The following PHACTR3 variants were observed in gnomAD, a reference collection of about 807,000 sequenced individuals.
PHACTR3 encodes the protein phosphatase and actin regulator 3, also known as protein phosphatase 1, regulatory subunit 123.
In PHACTR3, 16 loss-of-function variants were observed where a neutral mutation model predicts 66.8. The ratio of observed to expected loss-of-function variants is 0.24; its 90% CI spans 0.16 to 0.36. The LOEUF (loss-of-function observed/expected upper bound fraction) is 0.36, where lower values mean the gene tolerates loss of function less well. Among genes scored for constraint, PHACTR3 ranks in the 10% least tolerant of loss-of-function variants. The pLI is 1.00. For synonymous variants in PHACTR3, 323 were observed against 292.1 expected, an observed-to-expected ratio of 1.11 and a Z score of -1.08; for missense variants, 647 against 719.9, an observed-to-expected ratio of 0.90 and a Z score of 1.16.
At chr20:59,678,552 C>T (rs2036533004) in intron 1 of PHACTR3, among the ~76,000 whole-genome samples, 1 of 152,192 alleles carries the variant, frequency 6.6e-6, no homozygotes, top group Admixed American at 6.5e-5. Context: ...TGAGCCTGTG[C>T]TGCTATTTTT....
chr20:59,650,888 T>C (rs894486627), intron 1 of PHACTR3, among the ~76,000 whole-genome samples: 4 of 152,160 alleles, frequency 2.6e-5, no homozygotes, highest in Non-Finnish European at 1.5e-5. Context: ...GGGGCTATGA[T>C]AGGGCTTCTG....
chr20:59,614,488 C>T (rs947576743), intron 1 of PHACTR3, among the ~76,000 whole-genome samples: 14 of 152,166 alleles, frequency 9.2e-5, no homozygotes, highest in African/African-American at 3.1e-4. Context: ...GGTAGCTTGG[C>T]AACGCACCTT....
At chr20:59,816,216 A>C (rs1451061516) in intron 8 of PHACTR3, among the ~76,000 whole-genome samples, 1 of 152,032 alleles carries the variant, frequency 6.6e-6, no homozygotes, top group Non-Finnish European at 1.5e-5. Context: ...TGCGTAGTTC[A>C]CAATCTGCTG....
intron 8 of PHACTR3, among the ~76,000 whole-genome samples, chr20:59,826,291 G>A (rs944643294): frequency 2.0e-5 from 3 of 152,068 alleles, no homozygotes; most frequent in Non-Finnish European, 4.4e-5. Context: ...CCACAGGCTC[G>A]GGCCTCTGGG....
At chr20:59,708,865 C>G (rs1034977945) in intron 1 of PHACTR3, among the ~76,000 whole-genome samples, 1 of 152,200 alleles carries the variant, frequency 6.6e-6, no homozygotes, top group African/African-American at 2.4e-5. Flanking sequence ...GTCAAATGAT[C>G]GCTACCCTGA....
intron 1 of PHACTR3, among the ~76,000 whole-genome samples, chr20:59,720,046 CT>C (rs1422183814): frequency 2.0e-5 from 3 of 152,186 alleles, no homozygotes; most frequent in African/African-American, 7.2e-5. Context: ...TTCCAGCTCT[CT>C]CATAGGAGGC....
In PHACTR3 at chr20:59,773,322, C is replaced by A. The variant is rs778414551; in HGVS notation, c.795C>A (p.Asp265Glu). Reference sequence around the variant, plus strand: ...AAGCCTCCAGCATGAAGAGTGCCGACCCTTCCCTCCGGGGCCAGCTCTCCA... The same window carrying A: ...AAGCCTCCAGCATGAAGAGTGCCGAACCTTCCCTCCGGGGCCAGCTCTCCA... ...LFQASSMKSA[D>E]PSLRGQLSTP... The change falls in exon 6 of 13, where the codon GAC becomes GAA. Residue 265 changes from aspartate (D) to glutamate (E), a missense_variant. By Grantham distance (45) the Asp-to-Glu change is conservative (BLOSUM62 2). Transcript: ENST00000371015. 1 of 1,614,184 alleles carries A rather than the reference C, an allele frequency of 6.2e-7. No homozygotes were observed. Among genetic ancestry groups the A allele is most frequent in the Admixed American group, 1.7e-5 (1 of 60,032 alleles).
intron 1 of PHACTR3, among the ~76,000 whole-genome samples, chr20:59,641,496 A>C (rs1283271942): frequency 6.6e-6 from 1 of 152,218 alleles, no homozygotes; most frequent in Admixed American, 6.5e-5. Context: ...ACAGATAGAG[A>C]GAATTCTTTC....
chr20:59,846,985 CTCA>C, intron 12 of PHACTR3, 127 bp from the exon 13 acceptor site: 3 of 620,582 alleles, frequency 4.8e-6, no homozygotes, highest in Non-Finnish European at 8.7e-6. Flanking sequence ...TAGCTCCATC[CTCA>C]TGTTTTACAT....
chr20:59,741,294 G>A (rs749252985), intron 1 of PHACTR3, among the ~76,000 whole-genome samples: 11 of 152,340 alleles, frequency 7.2e-5, no homozygotes, highest in South Asian at 2.1e-4. Flanking sequence ...GCCAGCTGTC[G>A]GGGAGTGTGT....
At chr20:59,683,839 T>G (rs1054631161) in intron 1 of PHACTR3, among the ~76,000 whole-genome samples, 1 of 152,200 alleles carries the variant, frequency 6.6e-6, no homozygotes, top group African/African-American at 2.4e-5. Context: ...CCTTTTACCC[T>G]GTTATGTGCC....
At chr20:59,579,814 A>G in intron 1 of PHACTR3, among the ~76,000 whole-genome samples, 1 of 152,158 alleles carries the variant, frequency 6.6e-6, no homozygotes, top group East Asian at 1.9e-4. Context: ...GGGTACCCCA[A>G]ATCCAGGATG....
At chr20:59,589,962 T>G (rs1399275935) in intron 1 of PHACTR3, among the ~76,000 whole-genome samples, 1 of 152,240 alleles carries the variant, frequency 6.6e-6, no homozygotes, top group Admixed American at 6.5e-5. Flanking sequence ...GCCGCCGTCG[T>G]GGAGTCTAGG....
intron 5 of PHACTR3, among the ~76,000 whole-genome samples, chr20:59,768,545 T>G (rs1201262637): frequency 6.6e-6 from 1 of 152,232 alleles, no homozygotes; most frequent in African/African-American, 2.4e-5. Flanking sequence ...GGCCAGGGGC[T>G]GGTGCCCTCC....
intron 8 of PHACTR3, among the ~76,000 whole-genome samples, chr20:59,833,218 T>C (rs1206959577): frequency 6.6e-6 from 1 of 152,290 alleles, no homozygotes; most frequent in Non-Finnish European, 1.5e-5. Flanking sequence ...GGGTACCCTG[T>C]TGACATTCAG....
intron 7 of PHACTR3, among the ~76,000 whole-genome samples, chr20:59,778,657 C>T (rs569520112): frequency 9.2e-5 from 14 of 152,322 alleles, no homozygotes; most frequent in African/African-American, 2.6e-4. Flanking sequence ...TCTTACTGTG[C>T]GCACAGCTCA....
intron 7 of PHACTR3, among the ~76,000 whole-genome samples, chr20:59,784,503 C>T (rs1473035695): frequency 6.6e-6 from 1 of 152,034 alleles, no homozygotes; most frequent in East Asian, 1.9e-4. Context: ...ATGAGGAGTC[C>T]TGGTCATCAA....
intron 1 of PHACTR3, among the ~76,000 whole-genome samples, chr20:59,734,183 C>T (rs1183957050): frequency 6.6e-6 from 1 of 152,180 alleles, no homozygotes; most frequent in Non-Finnish European, 1.5e-5. Context: ...TCCTCAAGTT[C>T]CAGTGCACAG....
intron 1 of PHACTR3, among the ~76,000 whole-genome samples, chr20:59,651,848 GGT>G (rs2035469213): frequency 7.3e-6 from 1 of 137,418 alleles, no homozygotes; most frequent in Non-Finnish European, 1.5e-5. Flanking sequence ...TAGGTAGGTA[GGT>G]AGGTAGGTAG....
Sources: allele counts gnomAD v4.1 joint callset (sites outside exome capture counted in the v4.1 genomes callset), GRCh38; gene constraint gnomAD v4.1.1; transcripts MANE v1.5; gene names NCBI Gene and HGNC (gene_info 2026-07-23, HGNC 2026-07-21).